The following USP32 variants were observed in gnomAD, a reference collection of about 807,000 sequenced individuals.
USP32 encodes the protein ubiquitin specific peptidase 32.
Under a neutral mutation model 204.8 loss-of-function variants are expected in USP32, and 59 were observed. That is an observed-to-expected ratio of 0.29 (90% confidence interval 0.23 to 0.36). The LOEUF is 0.36. Ranked by LOEUF, USP32 falls within the 10% of genes least tolerant of loss-of-function variation. The pLI, the probability that USP32 is intolerant of heterozygous loss-of-function variation, is 1.00. For missense variants in USP32, 1,160 were observed against 1,946.4 expected, an observed-to-expected ratio of 0.60 and a Z score of 7.60; for synonymous variants, 517 against 678.4, an observed-to-expected ratio of 0.76 and a Z score of 3.70.
chr17:60,411,350 A>C (rs2090016860), intron 1 of USP32, among the ~76,000 whole-genome samples: 1 of 148,572 alleles, frequency 6.7e-6, no homozygotes, highest in Non-Finnish European at 1.5e-5. Context: ...TAAATAAATA[A>C]ATAAATAAAT....
chr17:60,323,992 T>C (rs2088172148), intron 2 of USP32, among the ~76,000 whole-genome samples: 1 of 152,176 alleles, frequency 6.6e-6, no homozygotes, highest in Non-Finnish European at 1.5e-5. Flanking sequence ...TTTAAAAGCA[T>C]AAACCAGGCC....
At chr17:60,356,084 T>C (rs1009728620) in intron 1 of USP32, among the ~76,000 whole-genome samples, 7 of 152,136 alleles carry the variant, frequency 4.6e-5, no homozygotes, top group Admixed American at 4.6e-4. Flanking sequence ...ATTTGACCTA[T>C]CTGGTAGCTC....
At chr17:60,269,591 C>A in intron 6 of USP32, 34 bp from the exon 7 acceptor site, 2 of 1,516,408 alleles carry the variant, frequency 1.3e-6, no homozygotes, top group Non-Finnish European at 1.8e-6. Context: ...TAAATCACAG[C>A]CAAGCTTCCT....
At chr17:60,224,956 G>T (rs963388803) in intron 13 of USP32, among the ~76,000 whole-genome samples, 1 of 152,120 alleles carries the variant, frequency 6.6e-6, no homozygotes, top group Non-Finnish European at 1.5e-5. Context: ...AATTATGGGA[G>T]GCATCTGAAT....
chr17:60,288,781 T>C (rs1275206558), intron 4 of USP32, 99 bp from the exon 5 acceptor site: 2 of 946,590 alleles, frequency 2.1e-6, no homozygotes, highest in Non-Finnish European at 3.1e-6. Flanking sequence ...GCAATTACCT[T>C]TCTGCTGTCT....
chr17:60,357,106 C>A (rs539650959), intron 1 of USP32, among the ~76,000 whole-genome samples: 6 of 151,982 alleles, frequency 3.9e-5, no homozygotes, highest in African/African-American at 1.4e-4. Flanking sequence ...AAAACAATTG[C>A]AAAATTTGAA....
chr17:60,392,208 C>G (rs116218857), upstream of USP32: 15 of 509,886 alleles, frequency 2.9e-5, no homozygotes, highest in Non-Finnish European at 4.9e-5. Context: ...CCCTCTCCTT[C>G]CCTCCTCACG....
intron 1 of USP32, among the ~76,000 whole-genome samples, chr17:60,398,245 A>C (rs1337719924): frequency 6.6e-6 from 1 of 152,076 alleles, no homozygotes; most frequent in Non-Finnish European, 1.5e-5. Flanking sequence ...AAATCTTAAA[A>C]ATTAGCTAGG....
chr17:60,402,704 A>G (rs2089945516), intron 1 of USP32, among the ~76,000 whole-genome samples: 2 of 152,240 alleles, frequency 1.3e-5, no homozygotes, highest in African/African-American at 2.4e-5. Context: ...TGAGTAGCAT[A>G]AAACAATGAC....
At chr17:60,234,492 C>T (rs2085664389) in intron 12 of USP32, among the ~76,000 whole-genome samples, 2 of 151,440 alleles carry the variant, frequency 1.3e-5, no homozygotes, top group African/African-American at 2.4e-5. Flanking sequence ...CTTCGGGAGG[C>T]CGAGGAGGGC....
chr17:60,324,195 T>C (rs1201309559), intron 2 of USP32, among the ~76,000 whole-genome samples: 1 of 151,840 alleles, frequency 6.6e-6, no homozygotes, highest in East Asian at 1.9e-4. Context: ...AGCGGGAAGA[T>C]TGGTTGAACC....
chr17:60,300,344 TA>T (rs2145887041), intron 3 of USP32, among the ~76,000 whole-genome samples: 1 of 151,790 alleles, frequency 6.6e-6, no homozygotes, highest in East Asian at 1.9e-4. Context: ...ATGAACTTTT[TA>T]AAAGTAAATA....
At chr17:60,359,641 T>C (rs1052042439) in intron 1 of USP32, among the ~76,000 whole-genome samples, 1 of 152,120 alleles carries the variant, frequency 6.6e-6, no homozygotes, top group East Asian at 1.9e-4. Context: ...GGAGACCCTG[T>C]CTCTACAAAA....
At chr17:60,419,362 A>G (rs2090087147) in intron 1 of USP32, among the ~76,000 whole-genome samples, 1 of 152,188 alleles carries the variant, frequency 6.6e-6, no homozygotes, top group African/African-American at 2.4e-5. Flanking sequence ...GGGGCCTACC[A>G]GAGAGTGGAG....
At chr17:60,267,276 G>A (rs1326970274) in intron 7 of USP32, among the ~76,000 whole-genome samples, 11 of 151,658 alleles carry the variant, frequency 7.3e-5, no homozygotes, top group East Asian at 2.0e-4. Flanking sequence ...GCGTAGTGGC[G>A]GGCGCCTGTA....
chr17:60,235,897 C>T (rs769948008), intron 12 of USP32, among the ~76,000 whole-genome samples: 2 of 152,120 alleles, frequency 1.3e-5, no homozygotes, highest in Non-Finnish European at 2.9e-5. Flanking sequence ...CAGGTACCCC[C>T]GTACCCAATA....
At chr17:60,182,579 AT>A (rs2084138864) in intron 31 of USP32, among the ~76,000 whole-genome samples, 1 of 152,128 alleles carries the variant, frequency 6.6e-6, no homozygotes, top group Admixed American at 6.6e-5. Context: ...CCTGGGAAAT[AT>A]GGCAAAGCAC....
At chr17:60,298,318 G>A (rs912088173) in intron 3 of USP32, among the ~76,000 whole-genome samples, 1 of 152,094 alleles carries the variant, frequency 6.6e-6, no homozygotes, top group Non-Finnish European at 1.5e-5. Context: ...ATCTGCTGGA[G>A]GCTATGTTTC....
intron 30 of USP32, 147 bp downstream of exon 30, chr17:60,185,313 T>C (rs1373649532): frequency 9.0e-6 from 8 of 892,452 alleles, no homozygotes; most frequent in Non-Finnish European, 1.3e-5. Context: ...ATCTCTGTAT[T>C]CAACATAAAA....
Sources: allele counts gnomAD v4.1 joint callset (sites outside exome capture counted in the v4.1 genomes callset), GRCh38; gene constraint gnomAD v4.1.1; transcripts MANE v1.5; gene names NCBI Gene and HGNC (gene_info 2026-07-23, HGNC 2026-07-21).